Variants in SEMA3A observed in about 807,000 individuals in gnomAD.
The protein encoded by SEMA3A is semaphorin-3A.
Under a neutral mutation model 97.9 loss-of-function variants are expected in SEMA3A, and 29 were observed. The ratio of observed to expected loss-of-function variants is 0.30; its 90% CI spans 0.22 to 0.40. The LOEUF (loss-of-function observed/expected upper bound fraction) is 0.40, where lower values mean the gene tolerates loss of function less well. Among genes scored for constraint, SEMA3A ranks in the 10% least tolerant of loss-of-function variants. The probability of loss-of-function intolerance (pLI) is 1.00; values close to 1 mark genes in which losing one functional copy is unlikely to be tolerated. For synonymous variants in SEMA3A, 321 were observed against 323.7 expected (o/e 0.99, Z 0.09); for missense variants, 763 against 951.3 (o/e 0.80, Z 2.60).
chr7:83,983,442 T>C (rs953304565), intron 13 of SEMA3A, among the ~76,000 whole-genome samples: 1 of 152,114 alleles, frequency 6.6e-6, no homozygotes, highest in African/African-American at 2.4e-5. Context: ...GAGCAAAATG[T>C]ATATTTATAG....
Position 83,961,181 on chromosome 7 carries a change from T to C in SEMA3A, c.*190A>G. 1.7e-6 allele frequency: 1 copy of C among 597,900 alleles called. No homozygotes were observed. Among genetic ancestry groups the C allele is most frequent in the Non-Finnish European group, 3.0e-6 (1 of 336,812 alleles). The allele number at this position is 597,900 out of a possible 1,614,324, so 37.0% of individuals were successfully genotyped here. ...CTGTGTTCTCTGTTAGGTGGTGGTA[T>C]TAGGAAAAAAAGCCTATTAGGAAAG... On this transcript the variant is annotated 3_prime_UTR_variant, in exon 17 of 17. Transcript: ENST00000265362.
Position 84,134,883 on chromosome 7 carries a change from G to C in SEMA3A, c.181C>G (p.Leu61Val). The C allele has an allele frequency of 6.2e-7, 1 of 1,613,870 alleles. No individual in the cohort carries two copies. Among genetic ancestry groups the C allele is most frequent in the Non-Finnish European group, 8.5e-7 (1 of 1,179,830 alleles). ...AGCCTACTCCGTTCCTCATCCAAAA[G>C]GAAGGTATGATAACTGGAGCTGTTG... ...LANSSSYHTF[L>V]LDEERSRLYV... The change falls in exon 2 of 17, where the codon CTT becomes GTT. Residue 61 changes from leucine to valine, a missense_variant. Coordinates refer to ENST00000265362, the MANE Select transcript of SEMA3A (RefSeq NM_006080.3).
At chr7:84,415,667 T>C (rs1188417432) in intron 1 of SEMA3A, among the ~76,000 whole-genome samples, 1 of 152,096 alleles carries the variant, frequency 6.6e-6, no homozygotes, top group African/African-American at 2.4e-5. Context: ...TTTGGAATTT[T>C]TTAAATTAAT....
chr7:83,984,436 T>G (rs1158999923), intron 13 of SEMA3A, among the ~76,000 whole-genome samples: 1 of 152,024 alleles, frequency 6.6e-6, no homozygotes, highest in East Asian at 1.9e-4. Context: ...TACACTGAAT[T>G]TTACTGGCAG....
At chr7:84,222,529 CTGTT>C (rs1487754674) in intron 3 of SEMA3A, among the ~76,000 whole-genome samples, 2 of 151,856 alleles carry the variant, frequency 1.3e-5, no homozygotes, top group African/African-American at 2.4e-5. Flanking sequence ...ATTGGCATAA[CTGTT>C]TGCTTGGAAA....
chr7:84,268,793 A>G (rs1048550115), intron 3 of SEMA3A, among the ~76,000 whole-genome samples: 7 of 152,156 alleles, frequency 4.6e-5, no homozygotes, highest in Non-Finnish European at 1.0e-4. Context: ...CTCCTTTAAC[A>G]AATATCAAAT....
intron 1 of SEMA3A, among the ~76,000 whole-genome samples, chr7:84,155,395 A>G: frequency 6.6e-6 from 1 of 152,258 alleles, no homozygotes; most frequent in Non-Finnish European, 1.5e-5. Flanking sequence ...TTACTAGTCC[A>G]CCGCTTCCAC....
At chr7:84,163,843 T>C (rs1480984659) in intron 1 of SEMA3A, among the ~76,000 whole-genome samples, 2 of 79,350 alleles carry the variant, frequency 2.5e-5, no homozygotes, top group African/African-American at 1.2e-4. Context: ...CACAGTACTA[T>C]TTTTTTTTTT....
chr7:84,300,426 A>G lies in SEMA3A; in HGVS notation c.-83+6781T>C, dbSNP rs948034618. Among the ~76,000 whole-genome samples the G allele has an allele frequency of 2.0e-5, 3 of 152,278 alleles. No individual in the cohort carries two copies. The Middle Eastern group carries it at 0.01, about 518-fold the overall frequency. On this transcript the variant is annotated intron_variant, in intron 3 of 3. Coordinates refer to the SEMA3A transcript ENST00000424555. The stretch of plus-strand genomic sequence containing the variant: ...AGGCATAACATAATTACACTTGAAA[A>G]TATCAGTGATAAAAATAAAATTCTA...
intron 3 of SEMA3A, among the ~76,000 whole-genome samples, chr7:84,124,301 C>T (rs542313475): frequency 5.3e-5 from 8 of 152,220 alleles, no homozygotes; most frequent in South Asian, 4.1e-4. Context: ...GTGGACTTTT[C>T]GAGGAAATCA....
At chr7:84,068,714 C>T (rs377365592) in intron 4 of SEMA3A, among the ~76,000 whole-genome samples, 1 of 151,942 alleles carries the variant, frequency 6.6e-6, no homozygotes, top group East Asian at 1.9e-4. Context: ...ATCATATGTC[C>T]AAGTTAATCA....
chr7:84,162,544 C>G (rs1219974127), intron 1 of SEMA3A, among the ~76,000 whole-genome samples: 2 of 151,748 alleles, frequency 1.3e-5, no homozygotes, highest in Non-Finnish European at 2.9e-5. Context: ...ATTCTAAGTA[C>G]AGCAATGGTA....
At chr7:84,259,969 C>T (rs1487787133) in intron 3 of SEMA3A, among the ~76,000 whole-genome samples, 2 of 152,140 alleles carry the variant, frequency 1.3e-5, no homozygotes, top group Non-Finnish European at 2.9e-5. Context: ...CACAGCAAAA[C>T]TTTTGATGCT....
chr7:84,351,093 ACACT>A (rs1215484359), intron 2 of SEMA3A, among the ~76,000 whole-genome samples: 1 of 150,914 alleles, frequency 6.6e-6, no homozygotes, highest in African/African-American at 2.4e-5. Context: ...ACACACACAC[ACACT>A]CCCTAAAATA....
At chr7:83,994,653 T>G (rs371488770) in intron 12 of SEMA3A, among the ~76,000 whole-genome samples, 16,184 of 146,526 alleles carry the variant, frequency 0.11, 1,456 homozygotes, top group African/African-American at 0.23. Flanking sequence ...GGGACCCACT[T>G]GAGGAGGCAG....
chr7:84,131,679 T>C (rs540757795), intron 2 of SEMA3A, among the ~76,000 whole-genome samples: 2 of 152,212 alleles, frequency 1.3e-5, no homozygotes, highest in Non-Finnish European at 2.9e-5. Flanking sequence ...GTAGTGTTCA[T>C]CACAATAGGC....
At chr7:84,081,656 T>C (rs1794167358) in intron 4 of SEMA3A, among the ~76,000 whole-genome samples, 2 of 144,058 alleles carry the variant, frequency 1.4e-5, no homozygotes, top group Admixed American at 6.9e-5. Context: ...CGATGAGTAA[T>C]ACAAACAATC....
chr7:84,264,243 C>A (rs986401481), intron 3 of SEMA3A, among the ~76,000 whole-genome samples: 1 of 151,864 alleles, frequency 6.6e-6, no homozygotes, highest in Non-Finnish European at 1.5e-5. Flanking sequence ...AAAATTTAAC[C>A]CGATGATTCC....
chr7:84,394,718 G>A (rs1402464671), intron 1 of SEMA3A, among the ~76,000 whole-genome samples: 3 of 152,106 alleles, frequency 2.0e-5, no homozygotes, highest in African/African-American at 7.2e-5. Flanking sequence ...TGTTATTGAA[G>A]TTTTGAAAAT....
Sources: gnomAD v4.1 joint callset for allele counts (sites outside exome capture counted in the v4.1 genomes callset) on GRCh38, gnomAD v4.1.1 for gene constraint, MANE v1.5 for transcripts, NCBI Gene and HGNC (gene_info 2026-07-23, HGNC 2026-07-21) for gene names.